Variants in LRRC37A2 observed in about 807,000 individuals in gnomAD.
LRRC37A2 encodes leucine-rich repeat-containing protein 37A2.
LRRC37A2 carries 9 observed loss-of-function variants against 68.8 expected under a neutral mutation model. The observed-to-expected ratio is 0.13, with a 90% CI of 0.08 to 0.23. LRRC37A2 has a LOEUF of 0.23. LRRC37A2 is among the 10% of genes least tolerant of loss of function. The probability of loss-of-function intolerance (pLI) is 1.00; values close to 1 mark genes in which losing one functional copy is unlikely to be tolerated. For synonymous variants in LRRC37A2, 63 were observed against 367.6 expected (o/e 0.17, Z 9.48); for missense variants, 168 against 950.4 (o/e 0.18, Z 10.82).
the LRRC37A2 span, among the ~76,000 whole-genome samples, chr17:46,913,062 G>A: frequency 6.6e-6 from 1 of 152,216 alleles, no homozygotes; most frequent in Non-Finnish European, 1.5e-5. Flanking sequence ...AGCCACGGCT[G>A]TCCCAGTGCC....
chr17:46,850,884 G>C, the LRRC37A2 span, among the ~76,000 whole-genome samples: 1 of 151,958 alleles, frequency 6.6e-6, no homozygotes, highest in Non-Finnish European at 1.5e-5. Flanking sequence ...TTGGATTTCT[G>C]CGCTGGGGAA....
chr17:46,987,380 G>A, the LRRC37A2 span, among the ~76,000 whole-genome samples: 2 of 151,864 alleles, frequency 1.3e-5, no homozygotes, highest in Non-Finnish European at 2.9e-5. Flanking sequence ...AAAACACAGG[G>A]GAGACACACG....
chr17:46,991,130 G>C, the LRRC37A2 span, among the ~76,000 whole-genome samples: 9 of 152,228 alleles, frequency 5.9e-5, no homozygotes, highest in African/African-American at 1.9e-4. Context: ...AATGTCACTG[G>C]TACTGAGGCT....
the LRRC37A2 span, chr17:47,019,550 A>G: frequency 6.7e-7 from 1 of 1,494,718 alleles, no homozygotes. Flanking sequence ...TGCATCGAAA[A>G]CTGACTGAAG....
the LRRC37A2 span, among the ~76,000 whole-genome samples, chr17:46,993,883 G>A: frequency 1.3e-5 from 2 of 152,214 alleles, no homozygotes; most frequent in African/African-American, 4.8e-5. Context: ...GAGGCTCAGA[G>A]AGTTGAAGGA....
At chr17:46,951,821 C>A in the LRRC37A2 span, among the ~76,000 whole-genome samples, 1 of 152,202 alleles carries the variant, frequency 6.6e-6, no homozygotes, top group Non-Finnish European at 1.5e-5. Flanking sequence ...TCTCTTCCCC[C>A]ACTCTGCCCG....
At chr17:47,003,265 A>G in the LRRC37A2 span, among the ~76,000 whole-genome samples, 1 of 137,986 alleles carries the variant, frequency 7.2e-6, no homozygotes. Context: ...AAAAAAAAAA[A>G]GCTCAGCCAT....
At chr17:46,912,955 G>A in the LRRC37A2 span, among the ~76,000 whole-genome samples, 1 of 152,204 alleles carries the variant, frequency 6.6e-6, no homozygotes, top group Non-Finnish European at 1.5e-5. Context: ...AGCTTAGGCA[G>A]GTGAGTTAAT....
the LRRC37A2 span, among the ~76,000 whole-genome samples, chr17:46,605,715 TAAAA>T: frequency 2.8e-5 from 1 of 35,994 alleles, no homozygotes; most frequent in African/African-American, 1.3e-4. Context: ...TCCTGAAGGC[TAAAA>T]AAAAAAAAAA....
At chr17:47,025,023 G>A in the LRRC37A2 span, among the ~76,000 whole-genome samples, 2 of 151,254 alleles carry the variant, frequency 1.3e-5, no homozygotes, top group Non-Finnish European at 2.9e-5. Flanking sequence ...TTTTATAAGG[G>A]TTCACATATC....
At chr17:46,907,837 C>T in the LRRC37A2 span, among the ~76,000 whole-genome samples, 1 of 151,106 alleles carries the variant, frequency 6.6e-6, no homozygotes, top group African/African-American at 2.4e-5. Context: ...GCTTGGGAGA[C>T]AGAGTGAGAC....
At chr17:46,872,408 G>A in the LRRC37A2 span, 2 of 1,365,654 alleles carry the variant, frequency 1.5e-6, no homozygotes, top group Non-Finnish European at 1.9e-6. Context: ...GGGTCAGCCT[G>A]CTGCCCAGAA....
At chr17:46,922,826 C>A in the LRRC37A2 span, 3 of 292,734 alleles carry the variant, frequency 1.0e-5, no homozygotes, top group East Asian at 2.3e-4. Flanking sequence ...GTCCTCTCTG[C>A]GGCAGAGAAC....
the LRRC37A2 span, among the ~76,000 whole-genome samples, chr17:46,736,541 C>T: frequency 6.6e-6 from 1 of 152,082 alleles, no homozygotes; most frequent in Non-Finnish European, 1.5e-5. Flanking sequence ...TAGGTGATTT[C>T]TTTTTTATTT....
At chr17:46,797,776 C>A in the LRRC37A2 span, among the ~76,000 whole-genome samples, 1 of 152,180 alleles carries the variant, frequency 6.6e-6, no homozygotes, top group East Asian at 1.9e-4. Flanking sequence ...AGAACTACAG[C>A]AAGATCCAGG....
At chr17:46,857,222 A>G in the LRRC37A2 span, among the ~76,000 whole-genome samples, 3 of 152,130 alleles carry the variant, frequency 2.0e-5, no homozygotes, top group Admixed American at 1.3e-4. Flanking sequence ...TAATCCCAGC[A>G]CTTTGGGAGG....
the LRRC37A2 span, chr17:46,978,549 C>T: frequency 2.1e-6 from 3 of 1,449,560 alleles, no homozygotes; most frequent in Non-Finnish European, 2.7e-6. Context: ...AGCTGCCCGC[C>T]CGGAGGCGGC....
the LRRC37A2 span, among the ~76,000 whole-genome samples, chr17:46,605,725 A>T: frequency 3.5e-5 from 3 of 85,244 alleles, no homozygotes; most frequent in African/African-American, 1.5e-4. Context: ...TAAAAAAAAA[A>T]AAAAAAAGTG....
the LRRC37A2 span, among the ~76,000 whole-genome samples, chr17:46,955,989 A>G: frequency 2.6e-5 from 4 of 152,130 alleles, no homozygotes; most frequent in African/African-American, 9.7e-5. Flanking sequence ...CTCACATCAG[A>G]CTGGGAATGG....
Sources: allele counts gnomAD v4.1 joint callset (sites outside exome capture counted in the v4.1 genomes callset), GRCh38; gene constraint gnomAD v4.1.1; transcripts MANE v1.5; gene names NCBI Gene and HGNC (gene_info 2026-07-23, HGNC 2026-07-21).